Variants in CLXN observed in about 807,000 individuals in gnomAD.
The protein encoded by CLXN is calaxin.
chr8:48,718,549 T>A, the CLXN span, among the ~76,000 whole-genome samples: 1 of 152,138 alleles, frequency 6.6e-6, no homozygotes, highest in East Asian at 1.9e-4. Flanking sequence ...TTAGATCACA[T>A]GTTAGGTAAC....
chr8:48,730,042 A>C, the CLXN span: 2 of 485,302 alleles, frequency 4.1e-6, no homozygotes, highest in East Asian at 3.2e-5. Context: ...AATAATCCTT[A>C]GAAAATATTT....
chr8:48,721,073 G>GCAACAA, the CLXN span, among the ~76,000 whole-genome samples: 2 of 151,960 alleles, frequency 1.3e-5, no homozygotes, highest in Admixed American at 1.3e-4. Context: ...AACAACAACA[G>GCAACAA]CAACAACAAC....
At chr8:48,730,813 C>G in the CLXN span, among the ~76,000 whole-genome samples, 1 of 152,078 alleles carries the variant, frequency 6.6e-6, no homozygotes, top group African/African-American at 2.4e-5. Flanking sequence ...TCATGAAACT[C>G]TTTTATTAAA....
the CLXN span, among the ~76,000 whole-genome samples, chr8:48,721,171 G>A: frequency 9.9e-5 from 15 of 152,120 alleles, no homozygotes; most frequent in Non-Finnish European, 1.0e-4. Context: ...ACCCACAAAT[G>A]AGCTATCTGA....
At chr8:48,732,720 C>T in the CLXN span, among the ~76,000 whole-genome samples, 3 of 152,104 alleles carry the variant, frequency 2.0e-5, no homozygotes, top group Admixed American at 2.0e-4. Context: ...AAGAGTCCAT[C>T]AATGGAGGAA....
the CLXN span, chr8:48,731,357 T>C: frequency 2.5e-6 from 4 of 1,611,536 alleles, no homozygotes; most frequent in South Asian, 1.1e-5. Flanking sequence ...CCTCTGTCCA[T>C]AATCATGTCA....
the CLXN span, among the ~76,000 whole-genome samples, chr8:48,718,589 T>G: frequency 1.3e-5 from 2 of 152,086 alleles, no homozygotes; most frequent in African/African-American, 2.4e-5. Flanking sequence ...TTAAGAAGAC[T>G]GAAATCATTA....
chr8:48,730,216 T>C, the CLXN span: 9 of 306,622 alleles, frequency 2.9e-5, no homozygotes, highest in African/African-American at 6.4e-5. Flanking sequence ...ATTCTCTAGT[T>C]TTATGGTTAC....
the CLXN span, chr8:48,729,150 G>C: frequency 6.2e-7 from 1 of 1,604,302 alleles, no homozygotes; most frequent in Non-Finnish European, 8.5e-7. Flanking sequence ...CATGATCCTA[G>C]GGGAATGAGA....
the CLXN span, among the ~76,000 whole-genome samples, chr8:48,728,452 C>T: frequency 6.6e-6 from 1 of 152,130 alleles, no homozygotes; most frequent in Non-Finnish European, 1.5e-5. Flanking sequence ...TAGATGACCT[C>T]TTCTCAAGTT....
the CLXN span, chr8:48,729,577 A>G: frequency 3.7e-6 from 3 of 814,744 alleles, no homozygotes; most frequent in African/African-American, 1.7e-5. Context: ...ACTGAAAAGA[A>G]CTATTAATAT....
At chr8:48,729,665 A>T in the CLXN span, 120 of 1,463,348 alleles carry the variant, frequency 8.2e-5, no homozygotes, top group Non-Finnish European at 1.1e-4. Flanking sequence ...TCTTATTTCT[A>T]GCCCATATCT....
the CLXN span, among the ~76,000 whole-genome samples, chr8:48,722,469 T>C: frequency 6.6e-6 from 1 of 152,340 alleles, no homozygotes; most frequent in South Asian, 2.1e-4. Context: ...TGAAGAGAAA[T>C]CTGTGTCCTT....
the CLXN span, chr8:48,729,147 C>A: frequency 1.9e-6 from 3 of 1,605,660 alleles, no homozygotes; most frequent in Non-Finnish European, 2.5e-6. Flanking sequence ...GGTCATGATC[C>A]TAGGGGAATG....
At chr8:48,712,412 G>A in the CLXN span, 1 of 152,314 alleles carries the variant, frequency 6.6e-6, no homozygotes, top group Non-Finnish European at 1.5e-5. Context: ...CTCACCCCAG[G>A]GACCTCTGTG....
At chr8:48,729,834 G>A in the CLXN span, 5 of 1,613,182 alleles carry the variant, frequency 3.1e-6, no homozygotes, top group Non-Finnish European at 4.2e-6. Context: ...CCTTTGAAAT[G>A]AATCCGTCAC....
the CLXN span, among the ~76,000 whole-genome samples, chr8:48,732,500 A>C: frequency 6.6e-6 from 1 of 152,194 alleles, no homozygotes; most frequent in African/African-American, 2.4e-5. Context: ...TCAGCAAATA[A>C]ATAGTAGGAA....
chr8:48,731,651 A>G, the CLXN span: 1 of 630,966 alleles, frequency 1.6e-6, no homozygotes, highest in Non-Finnish European at 2.5e-6. Context: ...AGATTCATGA[A>G]CCCTTAACTT....
the CLXN span, among the ~76,000 whole-genome samples, chr8:48,722,765 TACACACAC>T: frequency 1.3e-5 from 2 of 149,360 alleles, no homozygotes; most frequent in East Asian, 3.9e-4. Flanking sequence ...GTCTCCCCAT[TACACACAC>T]ACACACACAG....
Sources: gnomAD v4.1 joint callset for allele counts (sites outside exome capture counted in the v4.1 genomes callset) on GRCh38, gnomAD v4.1.1 for gene constraint, MANE v1.5 for transcripts, NCBI Gene and HGNC (gene_info 2026-07-23, HGNC 2026-07-21) for gene names.